The following STAT5B variants were observed in gnomAD, a reference collection of about 807,000 sequenced individuals.
STAT5B encodes signal transducer and activator of transcription 5B.
A neutral mutation model predicts 107.8 loss-of-function variants in STAT5B; 21 were observed. That is an observed-to-expected ratio of 0.19 (90% CI 0.14 to 0.28). The LOEUF is 0.28. STAT5B is among the 10% of genes least tolerant of loss of function. STAT5B has a pLI of 1.00. For missense variants in STAT5B, 565 were observed against 1,008.2 expected, an observed-to-expected ratio of 0.56 and a Z score of 5.95; for synonymous variants, 325 against 401.7, an observed-to-expected ratio of 0.81 and a Z score of 2.28.
chr17:42,202,583 C>T, intron 17 of STAT5B, 136 bp from the exon 18 acceptor site: 4 of 1,428,294 alleles, frequency 2.8e-6, no homozygotes, highest in Non-Finnish European at 3.9e-6. Context: ...GGGGCTCCAG[C>T]TACAGGAGTG....
chr17:42,207,004 G>A (rs536379883), intron 16 of STAT5B, among the ~76,000 whole-genome samples: 8 of 151,560 alleles, frequency 5.3e-5, no homozygotes, highest in Admixed American at 5.3e-4. Flanking sequence ...AGCCTCCCGA[G>A]TACCTGCGAT....
intron 8 of STAT5B, 54 bp from the exon 9 acceptor site, chr17:42,218,384 G>A (rs916578363): frequency 6.3e-7 from 1 of 1,589,810 alleles, no homozygotes; most frequent in African/African-American, 1.3e-5. Context: ...AGGGGAAAGG[G>A]CTCTCAGTCC....
Position 42,218,868 on chromosome 17 carries a change from A to G in STAT5B, c.844T>C (p.Leu282=), listed in dbSNP as rs923937587. The G allele has an allele frequency of 6.2e-7, 1 of 1,613,608 alleles. No individual in the cohort carries two copies. Among genetic ancestry groups the G allele is most frequent in the African/African-American group, 1.3e-5 (1 of 74,880 alleles). Residue 282 remains leucine (L), a synonymous_variant, in exon 8 of 19, where the codon TTG becomes CTG. Coordinates refer to ENST00000293328, the MANE Select transcript of STAT5B (RefSeq NM_012448.4). ...LDVLQSWCEK[L]AEIIWQNRQQ... Reference sequence around the variant, plus strand: ...CGGTTCTGCCAGATGATCTCGGCCAACTTCTCACACCTGCACGAGAGCCCC... The same window carrying G: ...CGGTTCTGCCAGATGATCTCGGCCAGCTTCTCACACCTGCACGAGAGCCCC...
chr17:42,246,486 T>C (rs1440090794), intron 1 of STAT5B, among the ~76,000 whole-genome samples: 1 of 152,186 alleles, frequency 6.6e-6, no homozygotes, highest in Non-Finnish European at 1.5e-5. Flanking sequence ...AGACTGTTAA[T>C]AGCAGATTAA....
At chr17:42,236,847 CTG>C (rs2080360544) in intron 1 of STAT5B, among the ~76,000 whole-genome samples, 1 of 152,216 alleles carries the variant, frequency 6.6e-6, no homozygotes, top group African/African-American at 2.4e-5. Context: ...ATCCTTCTAA[CTG>C]GCATTCATCT....
chr17:42,266,695 A>T (rs977584140), intron 1 of STAT5B, among the ~76,000 whole-genome samples: 2 of 151,282 alleles, frequency 1.3e-5, no homozygotes, highest in Non-Finnish European at 2.9e-5. Context: ...ACATAGCAAG[A>T]CCCCTGTCTC....
At chr17:42,240,874 C>T (rs2080396124) in intron 1 of STAT5B, among the ~76,000 whole-genome samples, 1 of 152,114 alleles carries the variant, frequency 6.6e-6, no homozygotes, top group Admixed American at 6.6e-5. Context: ...AAGTAAGAAA[C>T]CTAATACTGA....
chr17:42,265,456 T>C (rs989391183), intron 1 of STAT5B, among the ~76,000 whole-genome samples: 13 of 148,742 alleles, frequency 8.7e-5, no homozygotes, highest in African/African-American at 3.0e-4. Flanking sequence ...CAGCAACCTC[T>C]GACTCCCTGC....
chr17:42,258,329 C>T (rs929012710), intron 1 of STAT5B, among the ~76,000 whole-genome samples: 3 of 152,194 alleles, frequency 2.0e-5, no homozygotes, highest in African/African-American at 7.2e-5. Context: ...TCCAAAGAAA[C>T]ACAGAAGTTC....
At chr17:42,249,908 C>A (rs2080483853) in intron 1 of STAT5B, among the ~76,000 whole-genome samples, 1 of 152,128 alleles carries the variant, frequency 6.6e-6, no homozygotes, top group Non-Finnish European at 1.5e-5. Flanking sequence ...GCGCTCCACC[C>A]ACCTCGGCCC....
Position 42,253,147 on chromosome 17 carries a change from C to G in STAT5B, c.-10-21010G>C, listed in dbSNP as rs1418329631. ...TTCTTTCTTTCTTTCTTTTTTTCAT[C>G]TCTGTGAGTTCTTCAACTACAGGAC... On this transcript the variant is annotated intron_variant, in intron 1 of 18. Transcript: ENST00000293328. Among the ~76,000 whole-genome samples the G allele has an allele frequency of 3.3e-5, 5 of 150,638 alleles. 1 individual carries two copies. The highest frequency in any genetic ancestry group is 3.3e-4 in the Admixed American group (5 of 15,192).
At chr17:42,240,274 G>A (rs1238359298) in intron 1 of STAT5B, among the ~76,000 whole-genome samples, 2 of 152,198 alleles carry the variant, frequency 1.3e-5, no homozygotes, top group Non-Finnish European at 2.9e-5. Flanking sequence ...ATATGGATAG[G>A]AATGGATAAA....
chr17:42,240,412 T>C (rs2080392141), intron 1 of STAT5B, among the ~76,000 whole-genome samples: 1 of 152,194 alleles, frequency 6.6e-6, no homozygotes, highest in South Asian at 2.1e-4. Flanking sequence ...TACTGTAAAT[T>C]CCATTTTTAT....
chr17:42,243,028 C>T (rs1598322971), intron 1 of STAT5B, among the ~76,000 whole-genome samples: 2 of 151,632 alleles, frequency 1.3e-5, no homozygotes, highest in East Asian at 1.9e-4. Context: ...AACCAGAGAC[C>T]TTTGTTCACT....
At chr17:42,213,323 C>T (rs1433612615) in intron 12 of STAT5B, among the ~76,000 whole-genome samples, 1 of 152,096 alleles carries the variant, frequency 6.6e-6, no homozygotes, top group Admixed American at 6.6e-5. Context: ...TATCCTACCT[C>T]AGCCTCCCAA....
intron 5 of STAT5B, 148 bp from the exon 6 acceptor site, chr17:42,219,990 G>A: frequency 2.1e-6 from 3 of 1,400,602 alleles, no homozygotes; most frequent in Non-Finnish European, 2.9e-6. Flanking sequence ...AGCCAGGGGG[G>A]CCAAGATGAA....
At chr17:42,214,003 C>T (rs142892215) in intron 12 of STAT5B, among the ~76,000 whole-genome samples, 1,792 of 151,240 alleles carry the variant, frequency 0.012, 28 homozygotes, top group African/African-American at 0.042. Flanking sequence ...ATTAATTGGG[C>T]GTGGTGGCAT....
chr17:42,262,857 CACATATATGTGTGTGTATATAT>C (rs1352630198), intron 1 of STAT5B, among the ~76,000 whole-genome samples: 8 of 92,192 alleles, frequency 8.7e-5, no homozygotes, highest in African/African-American at 2.6e-4. Context: ...TGTATATACA[CACATATATGTGTGTGTATATAT>C]ACACATATAT....
chr17:42,281,090 C>T (rs768997132), upstream of STAT5B, among the ~76,000 whole-genome samples: 2 of 151,162 alleles, frequency 1.3e-5, no homozygotes, highest in Non-Finnish European at 2.9e-5. Flanking sequence ...GCAGAGATCG[C>T]GCCACTGCAC....
Sources: allele counts gnomAD v4.1 joint callset (sites outside exome capture counted in the v4.1 genomes callset), GRCh38; gene constraint gnomAD v4.1.1; transcripts MANE v1.5; gene names NCBI Gene and HGNC (gene_info 2026-07-23, HGNC 2026-07-21).